CHIC1: variants seen among roughly 807,000 people sequenced by gnomAD.
The protein encoded by CHIC1 is cysteine-rich hydrophobic domain-containing protein 1.
A neutral mutation model predicts 18.5 loss-of-function variants in CHIC1; 7 were observed. The ratio of observed to expected loss-of-function variants is 0.38; its 90% CI spans 0.22 to 0.71. The LOEUF is 0.71. Ranked by LOEUF, CHIC1 falls within the 30% of genes least tolerant of loss-of-function variation. The pLI is 0.49. For missense variants in CHIC1, 159 were observed against 176.9 expected (o/e 0.90, Z 0.57); for synonymous variants, 77 against 73.5 (o/e 1.05, Z -0.25).
chrX:73,668,002 A>C (rs1948277891), intron 3 of CHIC1, among the ~76,000 whole-genome samples: 1 of 111,882 alleles, frequency 8.9e-6, no homozygotes, highest in Non-Finnish European at 1.9e-5. Flanking sequence ...TACCCCAATC[A>C]GTCATAGATT....
intron 3 of CHIC1, among the ~76,000 whole-genome samples, chrX:73,669,230 C>T (rs997471265): frequency 1.1e-4 from 12 of 111,987 alleles, no homozygotes; most frequent in African/African-American, 3.6e-4. Flanking sequence ...CTCTCCCAGG[C>T]ACTCCATCCC....
At chrX:73,567,726 T>C (rs758054751) in intron 1 of CHIC1, among the ~76,000 whole-genome samples, 3 of 110,749 alleles carry the variant, frequency 2.7e-5, no homozygotes, top group Non-Finnish European at 5.7e-5. Flanking sequence ...CATACAGAAA[T>C]GGACCCTGTG....
intron 3 of CHIC1, among the ~76,000 whole-genome samples, chrX:73,605,899 G>A (rs1304622638): frequency 5.5e-5 from 6 of 108,445 alleles, no homozygotes; most frequent in Non-Finnish European, 1.1e-4. Flanking sequence ...TGGGTAACCC[G>A]ACTTTTCTCT....
At chrX:73,598,699 T>C (rs1228794930) in intron 3 of CHIC1, among the ~76,000 whole-genome samples, 1 of 110,317 alleles carries the variant, frequency 9.1e-6, no homozygotes, top group Non-Finnish European at 1.9e-5. Flanking sequence ...CCACGGTGTA[T>C]ATGTGCCACA....
intron 3 of CHIC1, among the ~76,000 whole-genome samples, chrX:73,667,854 CG>C (rs1355284579): frequency 9.0e-6 from 1 of 110,700 alleles, no homozygotes; most frequent in Non-Finnish European, 1.9e-5. Flanking sequence ...GGGATGATCT[CG>C]TGGAGTGTCT....
intron 3 of CHIC1, among the ~76,000 whole-genome samples, chrX:73,632,841 T>C (rs745988900): frequency 2.0e-4 from 20 of 101,291 alleles, no homozygotes; most frequent in Non-Finnish European, 3.6e-4. Flanking sequence ...CAATCTCAGC[T>C]GACTGCAAGC....
intron 1 of CHIC1, among the ~76,000 whole-genome samples, chrX:73,569,277 T>A (rs1283964850): frequency 9.0e-6 from 1 of 111,205 alleles, no homozygotes; most frequent in African/African-American, 3.3e-5. Flanking sequence ...GGCTGGTATA[T>A]AGCCATTTTC....
chrX:73,595,781 A>G (rs761004068), intron 3 of CHIC1, among the ~76,000 whole-genome samples: 1 of 111,308 alleles, frequency 9.0e-6, no homozygotes, highest in African/African-American at 3.3e-5. Context: ...ACTAATTTAC[A>G]CTCCCAACAT....
intron 3 of CHIC1, among the ~76,000 whole-genome samples, chrX:73,601,451 C>T (rs1440118132): frequency 4.7e-5 from 5 of 106,128 alleles, no homozygotes; most frequent in African/African-American, 1.8e-4. Context: ...AACCTGCTCC[C>T]GAATGACTAC....
At chrX:73,627,917 C>A (rs1373458275) in intron 3 of CHIC1, among the ~76,000 whole-genome samples, 1 of 111,952 alleles carries the variant, frequency 8.9e-6, no homozygotes, top group Non-Finnish European at 1.9e-5. Flanking sequence ...CTGAAGCCAG[C>A]AAGTCTCAGA....
At chrX:73,593,701 C>G (rs1241922511) in intron 3 of CHIC1, among the ~76,000 whole-genome samples, 1 of 111,762 alleles carries the variant, frequency 8.9e-6, no homozygotes, top group Admixed American at 9.5e-5. Flanking sequence ...TTGATCTAAT[C>G]TTTTTAATGC....
intron 3 of CHIC1, among the ~76,000 whole-genome samples, chrX:73,646,751 G>A (rs922316397): frequency 2.7e-5 from 3 of 112,054 alleles, no homozygotes; most frequent in Admixed American, 9.5e-5. Flanking sequence ...CTATTTATAG[G>A]ATAAGGTCAT....
chrX:73,685,174 C>T lies in CHIC1; in HGVS notation c.*4169C>T, dbSNP rs1287295401. On this transcript the variant is annotated 3_prime_UTR_variant, in exon 6 of 6. Transcript: ENST00000373502. ...GTCCTTGGTGGAAACTCTCACAGTG[C>T]CTTGCATGCAGTAAAAGTTTGATTT... The T allele has an allele frequency of 9.0e-6, 1 of 111,133 alleles. No individual in the cohort carries two copies. The highest frequency in any genetic ancestry group is 1.9e-5 in the Non-Finnish European group (1 of 52,958). 9.2% of individuals were successfully genotyped at this position (111,133 alleles called of 1,213,427 possible). A position where few individuals can be genotyped will look rare whatever the true frequency, so the allele number is the denominator to read the frequency against.
At chrX:73,644,948 C>T (rs758815931) in intron 3 of CHIC1, among the ~76,000 whole-genome samples, 2 of 112,379 alleles carry the variant, frequency 1.8e-5, no homozygotes, top group South Asian at 3.7e-4. Context: ...CGCCCTGCTT[C>T]GACTCACACC....
chrX:73,565,800 G>C (rs185690675), intron 1 of CHIC1, among the ~76,000 whole-genome samples: 2 of 110,843 alleles, frequency 1.8e-5, no homozygotes, highest in Admixed American at 1.9e-4. Flanking sequence ...TTCTGGCATA[G>C]GAGTGTTAGA....
intron 3 of CHIC1, among the ~76,000 whole-genome samples, chrX:73,619,771 A>C (rs2057750966): frequency 1.8e-5 from 2 of 111,002 alleles, no homozygotes; most frequent in South Asian, 7.7e-4. Flanking sequence ...GGTTTGTTAC[A>C]TAGGTATACA....
rs34658532 is a variant in CHIC1 at position 73,607,530 on chromosome X, G to GA, written c.507+22967dup. On this transcript the variant is annotated intron_variant, in intron 3 of 5. Coordinates refer to ENST00000373502, the MANE Select transcript of CHIC1 (RefSeq NM_001039840.4). Reference sequence around the variant, plus strand: ...GACATTCCAGGAGCCACTGGGGTATGAAAAAAAAACACTTCTGCAACTAGC... The same window carrying GA: ...GACATTCCAGGAGCCACTGGGGTATGAAAAAAAAAACACTTCTGCAACTAGC... Among the ~76,000 whole-genome samples the GA allele has an allele frequency of 1.4e-4, 15 of 104,729 alleles. 1 individual carries two copies. The highest frequency in any genetic ancestry group is 4.3e-3 in the Middle Eastern group (1 of 232). 90.9% of individuals were successfully genotyped at this position (104,729 alleles called of 115,157 possible).
intron 3 of CHIC1, among the ~76,000 whole-genome samples, chrX:73,643,800 G>A (rs1266589075): frequency 9.0e-6 from 1 of 111,110 alleles, no homozygotes; most frequent in South Asian, 3.8e-4. Context: ...TAACTTCTTT[G>A]CCTTTGGTTT....
At chrX:73,626,466 G>A (rs900778640) in intron 3 of CHIC1, among the ~76,000 whole-genome samples, 3 of 110,199 alleles carry the variant, frequency 2.7e-5, no homozygotes, top group African/African-American at 9.9e-5. Flanking sequence ...AGATCCTGTT[G>A]GCATGCTTTA....
Sources: gnomAD v4.1 joint callset for allele counts (sites outside exome capture counted in the v4.1 genomes callset) on GRCh38, gnomAD v4.1.1 for gene constraint, MANE v1.5 for transcripts, NCBI Gene and HGNC (gene_info 2026-07-23, HGNC 2026-07-21) for gene names.